FGF10: variants seen among roughly 807,000 people sequenced by gnomAD.
The protein encoded by FGF10 is fibroblast growth factor 10.
FGF10 carries 2 observed loss-of-function variants against 19.8 expected under a neutral mutation model. That is an observed-to-expected ratio of 0.10 (90% CI 0.04 to 0.32). FGF10 has a LOEUF of 0.32. Among genes scored for constraint, FGF10 ranks in the 10% least tolerant of loss-of-function variants. FGF10 has a pLI of 1.00. For missense variants in FGF10, 191 were observed against 246.3 expected (o/e 0.78, Z 1.50); for synonymous variants, 112 against 94.0 (o/e 1.19, Z -1.10).
intron 1 of FGF10, among the ~76,000 whole-genome samples, chr5:44,317,521 A>G (rs1170340589): frequency 6.6e-6 from 1 of 152,142 alleles, no homozygotes; most frequent in African/African-American, 2.4e-5. Flanking sequence ...GAAACTTACA[A>G]TGCAATATAG....
intron 1 of FGF10, among the ~76,000 whole-genome samples, chr5:44,332,704 T>C (rs956285558): frequency 1.3e-5 from 2 of 152,156 alleles, no homozygotes; most frequent in Non-Finnish European, 2.9e-5. Context: ...GTGCTGCTGG[T>C]CCTAGGACCA....
At chr5:44,379,517 G>A (rs568603026) in intron 1 of FGF10, among the ~76,000 whole-genome samples, 12 of 152,196 alleles carry the variant, frequency 7.9e-5, no homozygotes, top group East Asian at 1.9e-4. Flanking sequence ...CTTTCACTCC[G>A]GGACTATACT....
intron 1 of FGF10, among the ~76,000 whole-genome samples, chr5:44,333,637 T>C (rs1740786426): frequency 6.6e-6 from 1 of 152,146 alleles, no homozygotes; most frequent in Non-Finnish European, 1.5e-5. Context: ...TCCAAACTCA[T>C]GTATGACATC....
chr5:44,379,631 G>A (rs1377665162), intron 1 of FGF10, among the ~76,000 whole-genome samples: 2 of 152,146 alleles, frequency 1.3e-5, no homozygotes, highest in African/African-American at 2.4e-5. Flanking sequence ...GCCTGGCTGC[G>A]ATGACTTCTG....
chr5:44,368,021 G>A (rs1482673), intron 1 of FGF10, among the ~76,000 whole-genome samples: 81,096 of 151,764 alleles, frequency 0.53, 23,794 homozygotes, highest in Non-Finnish European at 0.67. Context: ...TAATGTAACA[G>A]ACTATAAAAA....
rs748739422 is a variant in FGF10, at chr5:44,305,169, C to T, written c.453G>A (p.Lys151=). The T allele has an allele frequency of 1.2e-6, 2 of 1,613,768 alleles. No individual in the cohort carries two copies. Among genetic ancestry groups the T allele is most frequent in the Admixed American group, 3.3e-5 (2 of 60,008 alleles). ...CATTTTCCTCTATCCTCTCCTTCAG[C>T]TTACAGTCATTGTTAAATTCTTTCT... ...YGSKEFNNDC[K]LKERIEENGY... is the part of the protein sequence containing the mutation. Residue 151 remains lysine (K), a synonymous_variant, in exon 3 of 3, where the codon AAG becomes AAA. Transcript: ENST00000264664.
intron 2 of FGF10, 31 bp from the exon 3 acceptor site, chr5:44,305,223 T>A (rs760922417): frequency 6.3e-7 from 1 of 1,591,254 alleles, no homozygotes; most frequent in Non-Finnish European, 8.6e-7. Context: ...CTTTTATTCC[T>A]ATGGTGATTG....
chr5:44,309,905 T>C (rs1740168199), intron 2 of FGF10, among the ~76,000 whole-genome samples: 1 of 152,108 alleles, frequency 6.6e-6, no homozygotes, highest in African/African-American at 2.4e-5. Context: ...TTTTGAGGCA[T>C]AATTTGAATT....
intron 1 of FGF10, among the ~76,000 whole-genome samples, chr5:44,351,318 G>A (rs546178655): frequency 1.3e-5 from 2 of 151,576 alleles, no homozygotes; most frequent in Admixed American, 6.6e-5. Flanking sequence ...AAGATAGATA[G>A]ACACATAATT....
chr5:44,310,312 C>A (rs1289475082), intron 2 of FGF10, 115 bp downstream of exon 2: 3 of 720,818 alleles, frequency 4.2e-6, no homozygotes, highest in African/African-American at 3.5e-5. Flanking sequence ...CCCACTGTGG[C>A]TCTATTTACT....
At chr5:44,311,713 A>G (rs1292201633) in intron 1 of FGF10, among the ~76,000 whole-genome samples, 1 of 152,128 alleles carries the variant, frequency 6.6e-6, no homozygotes, top group African/African-American at 2.4e-5. Flanking sequence ...AAATTCTTCA[A>G]TGGGCTATGT....
intron 1 of FGF10, among the ~76,000 whole-genome samples, chr5:44,346,487 G>A (rs1385656669): frequency 6.6e-6 from 1 of 151,752 alleles, no homozygotes; most frequent in Non-Finnish European, 1.5e-5. Flanking sequence ...TGGCCTACAT[G>A]ACCAGGATCT....
At chr5:44,323,975 A>G (rs1229793414) in intron 1 of FGF10, among the ~76,000 whole-genome samples, 1 of 152,168 alleles carries the variant, frequency 6.6e-6, no homozygotes, top group Non-Finnish European at 1.5e-5. Flanking sequence ...GAGAATAGTA[A>G]GTGGATAAAA....
chr5:44,321,916 C>A (rs1187971614), intron 1 of FGF10, among the ~76,000 whole-genome samples: 1 of 152,132 alleles, frequency 6.6e-6, no homozygotes, highest in Non-Finnish European at 1.5e-5. Flanking sequence ...GTGCCCATCA[C>A]CATGCCCGGC....
chr5:44,338,930 T>A (rs1740909096), intron 1 of FGF10, among the ~76,000 whole-genome samples: 1 of 152,170 alleles, frequency 6.6e-6, no homozygotes, highest in Admixed American at 6.5e-5. Flanking sequence ...AGTAATGAAT[T>A]TAAGGCATGT....
In FGF10 at chr5:44,305,091, A is replaced by G; in HGVS notation, c.531T>C (p.Tyr177=). 6.2e-7 allele frequency: 1 copy of G among 1,614,012 alleles called. No individual in the cohort carries two copies. The highest frequency in any genetic ancestry group is 8.5e-7 in the Non-Finnish European group (1 of 1,179,930). Residue 177 remains tyrosine (Y), a synonymous_variant, in exon 3 of 3, where the codon TAT becomes TAC. Coordinates refer to ENST00000264664, the MANE Select transcript of FGF10 (RefSeq NM_004465.2). The part of the protein sequence containing the change: ...FNWQHNGRQM[Y]VALNGKGAPR... Reference sequence around the variant, plus strand: ...GAGCTCCTTTTCCATTCAATGCCACATACATTTGCCTCCCATTATGCTGCC... The same window carrying G: ...GAGCTCCTTTTCCATTCAATGCCACGTACATTTGCCTCCCATTATGCTGCC...
chr5:44,388,761 G>A lies in FGF10; in HGVS notation c.-79C>T, dbSNP rs1331808833. 6.9e-7 allele frequency: 1 copy of A among 1,459,004 alleles called. No homozygotes were observed. Among genetic ancestry groups the A allele is most frequent in the East Asian group, 2.3e-5 (1 of 42,822 alleles). The allele number at this position is 1,459,004 out of a possible 1,614,324, so 90.4% of individuals were successfully genotyped here. ...AGGGTAAGACCCGATGCAAGGCAAG[G>A]AGAGAGCTCGAGGTGGTGGCTGCTG... On this transcript the variant is annotated 5_prime_UTR_variant, in exon 1 of 3. Transcript: ENST00000264664.
At chr5:44,379,302 C>T (rs186854049) in intron 1 of FGF10, among the ~76,000 whole-genome samples, 229 of 152,262 alleles carry the variant, frequency 1.5e-3, no homozygotes, top group Middle Eastern at 6.8e-3. Flanking sequence ...TGCATTTATT[C>T]GTGCCTCACA....
intron 2 of FGF10, among the ~76,000 whole-genome samples, chr5:44,305,665 C>T (rs1740059532): frequency 6.6e-6 from 1 of 152,078 alleles, no homozygotes; most frequent in Non-Finnish European, 1.5e-5. Flanking sequence ...TAAATACACA[C>T]ACACATTCAT....
Sources: gnomAD v4.1 joint callset for allele counts (sites outside exome capture counted in the v4.1 genomes callset) on GRCh38, gnomAD v4.1.1 for gene constraint, MANE v1.5 for transcripts, NCBI Gene and HGNC (gene_info 2026-07-23, HGNC 2026-07-21) for gene names.